RELL1: variants seen among roughly 807,000 people sequenced by gnomAD.
RELL1 encodes the protein RELT like 1, also known as RELT-like protein 1.
RELL1 carries 10 observed loss-of-function variants against 23.0 expected under a neutral mutation model. The ratio of observed to expected loss-of-function variants is 0.43; its 90% CI spans 0.27 to 0.74. RELL1 has a LOEUF of 0.74. Ranked by LOEUF, RELL1 falls within the 30% of genes least tolerant of loss-of-function variation. RELL1 has a pLI of 0.19. For synonymous variants in RELL1, 146 were observed against 146.8 expected, an observed-to-expected ratio of 0.99 and a Z score of 0.04; for missense variants, 315 against 364.4, an observed-to-expected ratio of 0.86 and a Z score of 1.10.
chr4:37,592,250 C>T (rs1172448180), intron 6 of RELL1, among the ~76,000 whole-genome samples: 1 of 147,736 alleles, frequency 6.8e-6, no homozygotes, highest in Non-Finnish European at 1.5e-5. Context: ...GGCACAGTGG[C>T]TCATGTCTGT....
rs535285432 is a variant in RELL1 at position 37,649,262 on chromosome 4, C to G, written c.313+14G>C. On this transcript the variant is annotated intron_variant, in intron 2 of 6. Transcript: ENST00000454158. The stretch of plus-strand genomic sequence containing the variant: ...GTCTCCTCACCCCCAATAAAAAGAG[C>G]CCTGGTTATTTACCTATCTTTTCAA... 504 of 1,600,260 alleles carry G rather than the reference C, an allele frequency of 3.1e-4. 4 individuals are homozygous for G. The South Asian group carries it at 4.1e-3, about 13-fold the overall frequency.
chr4:37,609,784 G>A (rs1445672536), downstream of RELL1, among the ~76,000 whole-genome samples: 1 of 152,226 alleles, frequency 6.6e-6, no homozygotes, highest in East Asian at 1.9e-4. Context: ...TGAGCATGAA[G>A]ATTGAACTGA....
chr4:37,630,664 C>A (rs1251396415), intron 6 of RELL1, among the ~76,000 whole-genome samples: 1 of 151,850 alleles, frequency 6.6e-6, no homozygotes, highest in Non-Finnish European at 1.5e-5. Context: ...CGTGAGCCAC[C>A]GTGCCCAGCT....
chr4:37,596,736 ATTTTTTTTTTTTTTTT>A (rs1178565372), intron 6 of RELL1, among the ~76,000 whole-genome samples: 4 of 16,496 alleles, frequency 2.4e-4, no homozygotes, highest in Admixed American at 2.3e-3. Flanking sequence ...ATATATATAT[ATTTTTTTTTTTTTTTT>A]TTTTTTTTTT....
chr4:37,615,183 A>ACAAT (rs1210927912), intron 6 of RELL1, among the ~76,000 whole-genome samples: 1 of 152,214 alleles, frequency 6.6e-6, no homozygotes, highest in Non-Finnish European at 1.5e-5. Flanking sequence ...TCTGCTCTCA[A>ACAAT]CAATCACATT....
At chr4:37,682,104 A>T (rs1023252065) in intron 1 of RELL1, among the ~76,000 whole-genome samples, 1 of 152,250 alleles carries the variant, frequency 6.6e-6, no homozygotes, top group African/African-American at 2.4e-5. Flanking sequence ...ACACAGGAAT[A>T]AAATTATGTA....
chr4:37,673,052 G>T (rs28695885), intron 1 of RELL1, among the ~76,000 whole-genome samples: 138,141 of 152,202 alleles, frequency 0.91, 63,057 homozygotes, highest in Non-Finnish European at 0.96. Flanking sequence ...GAATTCAATA[G>T]ACAAGCTGAT....
chr4:37,681,304 G>A (rs547322763), intron 1 of RELL1, among the ~76,000 whole-genome samples: 3 of 152,196 alleles, frequency 2.0e-5, no homozygotes, highest in Non-Finnish European at 2.9e-5. Flanking sequence ...AGCCTAATGC[G>A]CACTCTGGAG....
At chr4:37,649,783 C>T (rs1024071537) in intron 1 of RELL1, among the ~76,000 whole-genome samples, 3 of 152,184 alleles carry the variant, frequency 2.0e-5, no homozygotes, top group African/African-American at 7.2e-5. Context: ...ACAGGGTTGT[C>T]GTGAAGTGTC....
intron 6 of RELL1, among the ~76,000 whole-genome samples, chr4:37,617,778 G>A (rs1043799861): frequency 2.0e-5 from 3 of 152,144 alleles, no homozygotes; most frequent in East Asian, 1.9e-4. Context: ...GTGAGACTCC[G>A]TCTCAAAACA....
intron 6 of RELL1, among the ~76,000 whole-genome samples, chr4:37,604,107 G>T (rs1719087142): frequency 6.6e-6 from 1 of 151,964 alleles, no homozygotes; most frequent in Admixed American, 6.6e-5. Flanking sequence ...CCAGGGTGGG[G>T]AGCTTGCTGA....
rs1183120605 is a variant in RELL1, at chr4:37,632,084, GAA to G, written c.681-563_681-562del. 6.7e-4 allele frequency among the ~76,000 whole-genome samples: 30 copies of G among 44,460 alleles called. No individual in the cohort carries two copies. In the South Asian group the frequency reaches 7.3e-3, roughly 11 times the overall value. The allele number at this position is 44,460 out of a possible 152,430, so 29.2% of individuals were successfully genotyped here. Reference sequence around the variant, plus strand: ...CAGAGCTAGACCCTGTCTCAATAAGGAAAAAAAAAAAAAAAAAAAAAAAAACA... The same window carrying G: ...CAGAGCTAGACCCTGTCTCAATAAGGAAAAAAAAAAAAAAAAAAAAAAACA... On this transcript the variant is annotated intron_variant, in intron 5 of 6. Coordinates refer to ENST00000454158, the MANE Select transcript of RELL1 (RefSeq NM_001085400.2).
At chr4:37,605,991 AAG>A (rs1293912624), downstream of RELL1, among the ~76,000 whole-genome samples, 1 of 147,408 alleles carries the variant, frequency 6.8e-6, no homozygotes, top group Non-Finnish European at 1.5e-5. Flanking sequence ...GGGAAGAAGG[AAG>A]AGAGGGTAGA....
At chr4:37,605,844 AAG>A (rs1250411819), downstream of RELL1, among the ~76,000 whole-genome samples, 13 of 85,860 alleles carry the variant, frequency 1.5e-4, no homozygotes, top group African/African-American at 3.9e-4. Flanking sequence ...AGAAAGAAAG[AAG>A]GAAAAGAAAA....
At chr4:37,618,411 A>T (rs1358192624) in intron 6 of RELL1, among the ~76,000 whole-genome samples, 3 of 151,160 alleles carry the variant, frequency 2.0e-5, no homozygotes, top group East Asian at 3.9e-4. Context: ...TTATTTATTT[A>T]TTTTTTTAAG....
At chr4:37,666,042 G>A (rs1308709577) in intron 1 of RELL1, among the ~76,000 whole-genome samples, 1 of 152,140 alleles carries the variant, frequency 6.6e-6, no homozygotes, top group Non-Finnish European at 1.5e-5. Flanking sequence ...GTGGAGTGTT[G>A]GGGGTTTATG....
At chr4:37,614,265 G>T (rs996901996) in intron 6 of RELL1, among the ~76,000 whole-genome samples, 1 of 151,818 alleles carries the variant, frequency 6.6e-6, no homozygotes, top group African/African-American at 2.4e-5. Context: ...ATATTCAATG[G>T]TATATTCAAT....
chr4:37,599,078 G>A lies in RELL1; in HGVS notation c.*4-7861C>T, dbSNP rs1718951726. ...AGATAAGGGCTGAATCAAAATGTGA[G>A]ACAACCCAATTTTGTATATGTAAAA... On this transcript the variant is annotated intron_variant, in intron 6 of 6. Transcript: ENST00000314117. 2.0e-5 allele frequency among the ~76,000 whole-genome samples: 3 copies of A among 152,262 alleles called. No individual in the cohort carries two copies. In the East Asian group the frequency reaches 5.8e-4, roughly 29 times the overall value.
At chr4:37,685,798 T>C (rs1210872145) in intron 1 of RELL1, among the ~76,000 whole-genome samples, 1 of 152,232 alleles carries the variant, frequency 6.6e-6, no homozygotes, top group Non-Finnish European at 1.5e-5. Flanking sequence ...GCGCACCCGG[T>C]GCTCTGTGTC....
Sources: allele counts gnomAD v4.1 joint callset (sites outside exome capture counted in the v4.1 genomes callset), GRCh38; gene constraint gnomAD v4.1.1; transcripts MANE v1.5; gene names NCBI Gene and HGNC (gene_info 2026-07-23, HGNC 2026-07-21).